RAB5A: variants seen among roughly 807,000 people sequenced by gnomAD.
The protein encoded by RAB5A is RAB5A, member RAS oncogene family, also known as ras-related protein Rab-5A.
RAB5A carries 8 observed loss-of-function variants against 25.7 expected under a neutral mutation model. That is an observed-to-expected ratio of 0.31 (90% CI 0.18 to 0.56). The LOEUF is 0.56. RAB5A is among the 20% of genes least tolerant of loss of function. RAB5A has a pLI of 0.91. For synonymous variants in RAB5A, 98 were observed against 89.8 expected, an observed-to-expected ratio of 1.09 and a Z score of -0.52; for missense variants, 192 against 259.7, an observed-to-expected ratio of 0.74 and a Z score of 1.79.
At chr3:19,979,919 A>G (rs1414644129) in intron 5 of RAB5A, 2 of 152,202 alleles carry the variant, frequency 1.3e-5, no homozygotes, top group Admixed American at 1.3e-4. Flanking sequence ...AATTGAACTC[A>G]TAAATAGTTA....
chr3:19,984,564 T>G lies in RAB5A; in HGVS notation c.*741T>G. The G allele has an allele frequency of 5.6e-6, 1 of 178,392 alleles. No homozygotes were observed. The highest frequency in any genetic ancestry group is 1.2e-5 in the Non-Finnish European group (1 of 85,146). The allele number at this position is 178,392 out of a possible 1,614,324, so 11.1% of individuals were successfully genotyped here. On this transcript the variant is annotated 3_prime_UTR_variant, in exon 6 of 6. Coordinates refer to ENST00000273047, the MANE Select transcript of RAB5A (RefSeq NM_004162.5). ...TGAAATAAACCAGGTGTCTGTGATT[T>G]CTAATTAATCACCGCTGGCCATTAC...
At chr3:19,978,095 A>G (rs1161467549) in intron 4 of RAB5A, among the ~76,000 whole-genome samples, 1 of 152,244 alleles carries the variant, frequency 6.6e-6, no homozygotes, top group Non-Finnish European at 1.5e-5. Context: ...TAATGCAAGA[A>G]TTTCAGACAA....
chr3:19,983,884 T>C lies in RAB5A; in HGVS notation c.*61T>C. The C allele has an allele frequency of 8.5e-7, 1 of 1,182,504 alleles. No individual in the cohort carries two copies. Among genetic ancestry groups the C allele is most frequent in the South Asian group, 1.3e-5 (1 of 74,392 alleles). The allele number at this position is 1,182,504 out of a possible 1,614,324, so 73.3% of individuals were successfully genotyped here. A position where few individuals can be genotyped will look rare whatever the true frequency, so the allele number is the denominator to read the frequency against. ...TTCCTAAATGTTAATAACAATGGAATTGGAGCATTTAACCAGCCCAGTATG... is the reference window on the plus strand; with the variant it reads ...TTCCTAAATGTTAATAACAATGGAACTGGAGCATTTAACCAGCCCAGTATG... On this transcript the variant is annotated 3_prime_UTR_variant, in exon 6 of 6. Coordinates refer to ENST00000273047, the MANE Select transcript of RAB5A (RefSeq NM_004162.5).
intron 5 of RAB5A, among the ~76,000 whole-genome samples, chr3:19,982,723 C>G (rs140695750): frequency 1.3e-5 from 2 of 150,172 alleles, no homozygotes; most frequent in Non-Finnish European, 3.0e-5. Flanking sequence ...GATCATACCA[C>G]TGCACTTAAT....
intron 1 of RAB5A, among the ~76,000 whole-genome samples, chr3:19,948,034 A>G (rs1234241751): frequency 2.6e-5 from 4 of 152,160 alleles, no homozygotes; most frequent in African/African-American, 9.7e-5. Flanking sequence ...AAAGATGAGT[A>G]GTGTCGGTGG....
At chr3:19,980,820 A>C (rs1020367879) in intron 5 of RAB5A, among the ~76,000 whole-genome samples, 2 of 152,204 alleles carry the variant, frequency 1.3e-5, no homozygotes, top group African/African-American at 4.8e-5. Flanking sequence ...AAGTGGCCCA[A>C]TTGAAGGCTT....
chr3:19,957,441 C>A (rs1349677841), intron 2 of RAB5A, among the ~76,000 whole-genome samples: 6 of 150,722 alleles, frequency 4.0e-5, no homozygotes, highest in Non-Finnish European at 7.4e-5. Flanking sequence ...CCAAAGTGGT[C>A]AGATCGCTTG....
chr3:19,959,214 TA>T (rs1358707685), intron 2 of RAB5A, among the ~76,000 whole-genome samples: 1 of 152,146 alleles, frequency 6.6e-6, no homozygotes, highest in African/African-American at 2.4e-5. Flanking sequence ...TTATTTGTTA[TA>T]TATGGGAAAT....
chr3:19,982,541 TGTAA>T (rs1180209969), intron 5 of RAB5A, among the ~76,000 whole-genome samples: 1 of 152,158 alleles, frequency 6.6e-6, no homozygotes, highest in Non-Finnish European at 1.5e-5. Context: ...CTCTGCAAGG[TGTAA>T]GTTTCTCTTT....
chr3:19,975,381 T>C (rs1383115228), intron 2 of RAB5A: 11 of 416,772 alleles, frequency 2.6e-5, no homozygotes, highest in Admixed American at 4.2e-5. Flanking sequence ...TTTGCCAGTA[T>C]TTAAAGCTAT....
chr3:19,980,228 T>C (rs750884938), intron 5 of RAB5A: 2 of 152,228 alleles, frequency 1.3e-5, no homozygotes, highest in Non-Finnish European at 2.9e-5. Context: ...CAGCCTGCAC[T>C]GTAAACCTTT....
Position 19,947,273 on chromosome 3 carries a change from C to CGGCGGCGGT in RAB5A, c.-334_-333insTGGCGGCGG. On this transcript the variant is annotated 5_prime_UTR_variant, in exon 1 of 6. Coordinates refer to ENST00000273047, the MANE Select transcript of RAB5A (RefSeq NM_004162.5). ...TTAGTCGGAACTCCAGCGCCGGCGG[C>CGGCGGCGGT]GGCGGCGGCGGCGGAGGAGGAGAAA... 1 of 200,416 alleles carries CGGCGGCGGT rather than the reference C, an allele frequency of 5.0e-6. No homozygotes were observed. The highest frequency in any genetic ancestry group is 7.8e-5 in the South Asian group (1 of 12,742). 12.4% of individuals were successfully genotyped at this position (200,416 alleles called of 1,614,324 possible). A position where few individuals can be genotyped will look rare whatever the true frequency, so the allele number is the denominator to read the frequency against.
At chr3:19,956,550 C>G (rs943204135) in intron 2 of RAB5A, among the ~76,000 whole-genome samples, 19 of 152,336 alleles carry the variant, frequency 1.2e-4, no homozygotes, top group Non-Finnish European at 1.8e-4. Context: ...GCATGGCCAA[C>G]TAGTTGTTTT....
chr3:19,962,758 T>A (rs907454166), intron 2 of RAB5A, among the ~76,000 whole-genome samples: 2 of 152,310 alleles, frequency 1.3e-5, no homozygotes, highest in Non-Finnish European at 2.9e-5. Flanking sequence ...ATTTCTCACA[T>A]ATTCTGAGTA....
Position 19,983,875 on chromosome 3 carries a change from A to G in RAB5A, c.*52A>G. The G allele has an allele frequency of 7.9e-7, 1 of 1,264,614 alleles. No homozygotes were observed. The highest frequency in any genetic ancestry group is 1.1e-6 in the Non-Finnish European group (1 of 883,662). 78.3% of individuals were successfully genotyped at this position (1,264,614 alleles called of 1,614,324 possible). A position where few individuals can be genotyped will look rare whatever the true frequency, so the allele number is the denominator to read the frequency against. On this transcript the variant is annotated 3_prime_UTR_variant, in exon 6 of 6. Transcript: ENST00000273047. ...GTCTTCTGCTTCCTAAATGTTAATA[A>G]CAATGGAATTGGAGCATTTAACCAG... is the stretch of plus-strand genomic sequence containing the variant.
chr3:19,960,827 T>G (rs1307004902), intron 2 of RAB5A, among the ~76,000 whole-genome samples: 1 of 152,206 alleles, frequency 6.6e-6, no homozygotes, highest in Non-Finnish European at 1.5e-5. Flanking sequence ...GGTTAGTTAT[T>G]CATGGTTTTT....
chr3:19,952,181 A>T (rs80185919), intron 2 of RAB5A, among the ~76,000 whole-genome samples: 23,269 of 152,014 alleles, frequency 0.15, 1,997 homozygotes, highest in Non-Finnish European at 0.2. Flanking sequence ...CCCATCTCTT[A>T]AAAAAAATTG....
At position 19,951,071 on chromosome 3, in the gene RAB5A, T is replaced by A; in HGVS notation, c.163+10T>A. 1 of 1,609,094 alleles carries A rather than the reference T, an allele frequency of 6.2e-7. No individual in the cohort carries two copies. Among genetic ancestry groups the A allele is most frequent in the Non-Finnish European group, 8.5e-7 (1 of 1,177,724 alleles). On this transcript the variant is annotated intron_variant, in intron 2 of 5. Transcript: ENST00000273047. The stretch of plus-strand genomic sequence containing the variant: ...GAGAGTACCATTGGGGGTGAGATTT[T>A]CTTTTTTCCCTGCTTCATTTAATCG...
intron 2 of RAB5A, among the ~76,000 whole-genome samples, chr3:19,956,190 G>A (rs991725874): frequency 5.3e-5 from 8 of 151,926 alleles, no homozygotes; most frequent in Admixed American, 6.6e-5. Flanking sequence ...AGTGTAGGCC[G>A]GGCGCAGTGG....
Sources: allele counts gnomAD v4.1 joint callset (sites outside exome capture counted in the v4.1 genomes callset), GRCh38; gene constraint gnomAD v4.1.1; transcripts MANE v1.5; gene names NCBI Gene and HGNC (gene_info 2026-07-23, HGNC 2026-07-21).